The following FRMD5 variants were observed in gnomAD, a reference collection of about 807,000 sequenced individuals.
The protein encoded by FRMD5 is FERM domain containing 5.
In FRMD5, 20 loss-of-function variants were observed where a neutral mutation model predicts 69.0. The ratio of observed to expected loss-of-function variants is 0.29; its 90% CI spans 0.20 to 0.42. The LOEUF is 0.42. Among genes scored for constraint, FRMD5 ranks in the 10% least tolerant of loss-of-function variants. FRMD5 has a pLI of 1.00. For synonymous variants in FRMD5, 271 were observed against 260.1 expected (o/e 1.04, Z -0.40); for missense variants, 595 against 708.6 (o/e 0.84, Z 1.82).
chr15:44,009,461 C>T (rs951774206), intron 1 of FRMD5, among the ~76,000 whole-genome samples: 3 of 152,178 alleles, frequency 2.0e-5, no homozygotes, highest in Non-Finnish European at 2.9e-5. Flanking sequence ...AGGATGATTG[C>T]TTGATCCCAG....
At chr15:43,901,162 C>T (rs968452780) in intron 7 of FRMD5, among the ~76,000 whole-genome samples, 1 of 152,002 alleles carries the variant, frequency 6.6e-6, no homozygotes, top group Non-Finnish European at 1.5e-5. Flanking sequence ...ATCCACAGGC[C>T]AAGGAGAGGG....
At chr15:44,097,071 A>T (rs1483615385) in intron 1 of FRMD5, among the ~76,000 whole-genome samples, 2 of 152,220 alleles carry the variant, frequency 1.3e-5, no homozygotes, top group African/African-American at 4.8e-5. Flanking sequence ...GATAACAGTT[A>T]AATAATGTAA....
At chr15:43,990,482 A>G (rs979506807) in intron 1 of FRMD5, among the ~76,000 whole-genome samples, 1 of 152,224 alleles carries the variant, frequency 6.6e-6, no homozygotes. Context: ...TACATTTATA[A>G]CCAATAGAAA....
intron 2 of FRMD5, 117 bp downstream of exon 2, chr15:43,924,088 G>T: frequency 1.3e-6 from 1 of 788,150 alleles, no homozygotes; most frequent in East Asian, 2.4e-5. Context: ...ACATCCAACT[G>T]CAGGGTCTGG....
At chr15:43,969,749 C>T (rs552134280) in intron 1 of FRMD5, among the ~76,000 whole-genome samples, 12 of 152,336 alleles carry the variant, frequency 7.9e-5, no homozygotes, top group African/African-American at 2.9e-4. Flanking sequence ...CCAGACAGAA[C>T]ATACGCCTTT....
At chr15:43,952,229 A>G (rs1056364983) in intron 1 of FRMD5, among the ~76,000 whole-genome samples, 4 of 152,180 alleles carry the variant, frequency 2.6e-5, no homozygotes, top group African/African-American at 9.7e-5. Context: ...CAAATGCTGC[A>G]CTAAATATAC....
chr15:43,891,181 T>C (rs1426557930), intron 8 of FRMD5, among the ~76,000 whole-genome samples: 1 of 152,092 alleles, frequency 6.6e-6, no homozygotes, highest in Non-Finnish European at 1.5e-5. Flanking sequence ...TGACAGATGT[T>C]TGTATGGGCT....
chr15:43,968,668 T>C (rs897371345), intron 1 of FRMD5, among the ~76,000 whole-genome samples: 1 of 152,238 alleles, frequency 6.6e-6, no homozygotes, highest in Admixed American at 6.5e-5. Context: ...TATGAACGTG[T>C]ATGGAATATA....
intron 5 of FRMD5, among the ~76,000 whole-genome samples, chr15:43,906,183 G>A (rs1459649474): frequency 6.6e-6 from 1 of 152,238 alleles, no homozygotes; most frequent in Non-Finnish European, 1.5e-5. Flanking sequence ...TATGCAGAGA[G>A]ACAGAGAGCT....
chr15:43,894,642 G>A (rs1005217136), intron 7 of FRMD5, among the ~76,000 whole-genome samples: 5 of 151,586 alleles, frequency 3.3e-5, no homozygotes, highest in South Asian at 2.1e-4. Flanking sequence ...TTGAAATAAC[G>A]GAAGGAAGTA....
At chr15:43,908,439 G>A (rs1231299560) in intron 5 of FRMD5, among the ~76,000 whole-genome samples, 2 of 152,160 alleles carry the variant, frequency 1.3e-5, no homozygotes, top group Non-Finnish European at 2.9e-5. Flanking sequence ...GTGGCAATGG[G>A]CTGAATTTTA....
At chr15:43,924,700 T>C (rs2089552533) in intron 1 of FRMD5, among the ~76,000 whole-genome samples, 1 of 152,192 alleles carries the variant, frequency 6.6e-6, no homozygotes, top group Non-Finnish European at 1.5e-5. Context: ...TTCACTTCTC[T>C]TCCTCTCTGT....
chr15:43,879,023 C>T (rs775573897), intron 13 of FRMD5, among the ~76,000 whole-genome samples: 13 of 150,228 alleles, frequency 8.7e-5, no homozygotes, highest in South Asian at 6.4e-4. Context: ...CTGCAGCCTC[C>T]GACCCCCGGG....
At chr15:44,142,575 T>C (rs1022033361) in intron 1 of FRMD5, among the ~76,000 whole-genome samples, 4 of 152,156 alleles carry the variant, frequency 2.6e-5, no homozygotes, top group African/African-American at 4.8e-5. Flanking sequence ...TGAAAAAACA[T>C]GTCCACAATA....
rs185112214 is a variant in FRMD5, at chr15:44,096,634, C to T, written c.102+98319G>A. On this transcript the variant is annotated intron_variant, in intron 1 of 13. Coordinates refer to ENST00000417257, the MANE Select transcript of FRMD5 (RefSeq NM_032892.5). ...GCCAGGCTGGTCTTTTACTCCTGAC[C>T]TCAAGCGATCCACCCGCCTCAGCTT... is the stretch of plus-strand genomic sequence containing the variant. Among the ~76,000 whole-genome samples the T allele has an allele frequency of 3.3e-5, 5 of 152,200 alleles. No individual in the cohort carries two copies. In the East Asian group the frequency reaches 9.6e-4, roughly 29 times the overall value.
chr15:43,919,664 C>T (rs2089458160), intron 3 of FRMD5, 103 bp downstream of exon 3: 3 of 1,446,480 alleles, frequency 2.1e-6, no homozygotes, highest in African/African-American at 1.4e-5. Context: ...ATACTCAGAA[C>T]AGTGGGAAAT....
intron 1 of FRMD5, among the ~76,000 whole-genome samples, chr15:44,132,184 G>A (rs1412589203): frequency 6.6e-6 from 1 of 152,178 alleles, no homozygotes; most frequent in Non-Finnish European, 1.5e-5. Flanking sequence ...GATCTGACAG[G>A]AGGCGGAGCT....
At chr15:43,883,924 C>T (rs2088598596) in intron 12 of FRMD5, 115 bp from the exon 13 acceptor site, 4 of 751,280 alleles carry the variant, frequency 5.3e-6, no homozygotes, top group South Asian at 4.4e-5. Flanking sequence ...CTTGGTCTCT[C>T]TCTTTTTTAA....
intron 13 of FRMD5, among the ~76,000 whole-genome samples, chr15:43,877,384 TAAA>T (rs1204695214): frequency 6.6e-6 from 1 of 152,218 alleles, no homozygotes; most frequent in Non-Finnish European, 1.5e-5. Context: ...AGGTCTCTCT[TAAA>T]AAGGTGTTAG....
Sources: gnomAD v4.1 joint callset for allele counts (sites outside exome capture counted in the v4.1 genomes callset) on GRCh38, gnomAD v4.1.1 for gene constraint, MANE v1.5 for transcripts, NCBI Gene and HGNC (gene_info 2026-07-23, HGNC 2026-07-21) for gene names.